The following RAB30 variants were observed in gnomAD, a reference collection of about 807,000 sequenced individuals.
RAB30 encodes the protein ras-related protein Rab-30.
RAB30 carries 9 observed loss-of-function variants against 25.1 expected under a neutral mutation model. The observed-to-expected ratio is 0.36, with a 90% CI of 0.22 to 0.63. The LOEUF is 0.63. Ranked by LOEUF, RAB30 falls within the 20% of genes least tolerant of loss-of-function variation. RAB30 has a pLI of 0.69. For missense variants in RAB30, 140 were observed against 243.5 expected, an observed-to-expected ratio of 0.58 and a Z score of 2.83; for synonymous variants, 77 against 86.4, an observed-to-expected ratio of 0.89 and a Z score of 0.60.
At chr11:83,018,938 A>T (rs11233420) in intron 1 of RAB30, among the ~76,000 whole-genome samples, 5,357 of 152,198 alleles carry the variant, frequency 0.035, 330 homozygotes, top group African/African-American at 0.12. Flanking sequence ...AGGTGTCCTT[A>T]CCCCACTTTA....
At chr11:83,041,188 T>G (rs1339106450) in intron 1 of RAB30, 2 of 141,412 alleles carry the variant, frequency 1.4e-5, no homozygotes, top group African/African-American at 5.1e-5. Flanking sequence ...AGAGTGAAAC[T>G]CTGTCTCAAA....
intron 1 of RAB30, among the ~76,000 whole-genome samples, chr11:83,000,532 C>A (rs1301115554): frequency 6.6e-6 from 1 of 152,200 alleles, no homozygotes; most frequent in Non-Finnish European, 1.5e-5. Flanking sequence ...GACCACAACT[C>A]TCTGCTTTCA....
chr11:83,002,262 CCAGA>C (rs1364117792), intron 1 of RAB30, among the ~76,000 whole-genome samples: 1 of 152,170 alleles, frequency 6.6e-6, no homozygotes, highest in Non-Finnish European at 1.5e-5. Flanking sequence ...ACTGATGGAG[CCAGA>C]CACTGACTTC....
chr11:83,031,528 T>C (rs1353551554), intron 1 of RAB30, among the ~76,000 whole-genome samples: 3 of 82,944 alleles, frequency 3.6e-5, no homozygotes, highest in East Asian at 1.0e-3. Flanking sequence ...TATTCTTTTT[T>C]TTTCTTTTTT....
chr11:83,002,247 C>T (rs1454022989), intron 1 of RAB30, among the ~76,000 whole-genome samples: 2 of 152,192 alleles, frequency 1.3e-5, no homozygotes, highest in African/African-American at 4.8e-5. Context: ...AAGCAACACA[C>T]CCACACTGAT....
chr11:83,032,730 C>A (rs572566672), intron 1 of RAB30, among the ~76,000 whole-genome samples: 1 of 152,064 alleles, frequency 6.6e-6, no homozygotes, highest in South Asian at 2.1e-4. Flanking sequence ...AAGCAGTCCA[C>A]CATAGCTAGA....
rs1565269775 is a variant in RAB30, at chr11:82,994,000, ATAGCACCTGACAACCTTAGTGAATATT to A, written c.177+12_177+38del. 6.7e-7 allele frequency: 1 copy of A among 1,489,210 alleles called. No individual in the cohort carries two copies. The highest frequency in any genetic ancestry group is 9.4e-7 in the Non-Finnish European group (1 of 1,069,324). 92.2% of individuals were successfully genotyped at this position (1,489,210 alleles called of 1,614,324 possible). On this transcript the variant is annotated intron_variant, in intron 3 of 4. Coordinates refer to ENST00000527633, the MANE Select transcript of RAB30 (RefSeq NM_001286060.2). ...AGCAGTACTTCCCCTAACCTCTCACATAGCACCTGACAACCTTAGTGAATATTTAGCACCTTACCTTTACTTTTTCAC... is the reference window on the plus strand; with the variant it reads ...AGCAGTACTTCCCCTAACCTCTCACATAGCACCTTACCTTTACTTTTTCAC...
At chr11:82,991,804 T>C (rs1470369502) in intron 3 of RAB30, among the ~76,000 whole-genome samples, 1 of 152,198 alleles carries the variant, frequency 6.6e-6, no homozygotes, top group African/African-American at 2.4e-5. Context: ...AATACAAATA[T>C]GAGTAAGACA....
chr11:83,014,637 AG>A (rs1241993619), intron 1 of RAB30, among the ~76,000 whole-genome samples: 5 of 44,222 alleles, frequency 1.1e-4, no homozygotes, highest in Non-Finnish European at 1.9e-4. Flanking sequence ...AGTAAGAAAA[AG>A]AAAGAAAGAA....
intron 1 of RAB30, among the ~76,000 whole-genome samples, chr11:83,060,879 G>A (rs527528308): frequency 1.1e-4 from 17 of 152,254 alleles, no homozygotes; most frequent in African/African-American, 4.1e-4. Context: ...GTCTGCTGGG[G>A]GCCTGGAGAA....
At position 82,974,209 on chromosome 11, in the gene RAB30, T is replaced by C. The variant is rs944893383; in HGVS notation, c.*7956A>G. ...AACTTAGTGAATATGATTAAAAACA[T>C]TGAAGTTTACACCTTAATAGGATAA... On this transcript the variant is annotated 3_prime_UTR_variant, in exon 5 of 5. Coordinates refer to ENST00000527633, the MANE Select transcript of RAB30 (RefSeq NM_001286060.2). The C allele has an allele frequency of 5.9e-5, 9 of 152,198 alleles. No homozygotes were observed. Among genetic ancestry groups the C allele is most frequent in the Non-Finnish European group, 1.5e-5 (1 of 68,026 alleles). 9.4% of individuals were successfully genotyped at this position (152,198 alleles called of 1,614,324 possible).
chr11:83,003,682 A>G (rs1056451697), intron 1 of RAB30, among the ~76,000 whole-genome samples: 1 of 151,888 alleles, frequency 6.6e-6, no homozygotes, highest in African/African-American at 2.4e-5. Flanking sequence ...CAGCCTCCCA[A>G]AGTGCTGGGA....
At position 83,064,209 on chromosome 11, in the gene RAB30, C is replaced by T. The variant is rs114602529; in HGVS notation, c.-9+7482G>A. 2.5e-3 allele frequency among the ~76,000 whole-genome samples: 380 copies of T among 152,216 alleles called. 1 individual carries two copies. Among genetic ancestry groups the T allele is most frequent in the African/African-American group, 8.6e-3 (359 of 41,524 alleles). On this transcript the variant is annotated intron_variant, in intron 1 of 4. Coordinates refer to ENST00000527633, the MANE Select transcript of RAB30 (RefSeq NM_001286060.2). ...GCTTAAGGGATCCTCCTGCCTCAGC[C>T]GCACCCTTCCCCATAGCTGGGACAC... is the stretch of plus-strand genomic sequence containing the variant.
rs1856533400 is a variant in RAB30 at position 82,975,661 on chromosome 11, C to T, written c.*6504G>A. On this transcript the variant is annotated 3_prime_UTR_variant, in exon 5 of 5. Transcript: ENST00000527633. The stretch of plus-strand genomic sequence containing the variant: ...TACAGCCAGAATAATTCTTCAGAAG[C>T]ACACTTTGTTATCAATTATGTAACT... The T allele has an allele frequency of 6.6e-6, 1 of 152,082 alleles. No individual in the cohort carries two copies. Among genetic ancestry groups the T allele is most frequent in the African/African-American group, 2.4e-5 (1 of 41,420 alleles). The allele number at this position is 152,082 out of a possible 1,614,324, so 9.4% of individuals were successfully genotyped here.
chr11:82,977,266 C>A lies in RAB30; in HGVS notation c.*4899G>T, dbSNP rs1014668067. Reference sequence around the variant, plus strand: ...GTCCAGCATAGGGCATAATGGAGGGCCAGTCTCTTGGCCTAACAACGTGCA... The same window carrying A: ...GTCCAGCATAGGGCATAATGGAGGGACAGTCTCTTGGCCTAACAACGTGCA... On this transcript the variant is annotated 3_prime_UTR_variant, in exon 5 of 5. Coordinates refer to ENST00000527633, the MANE Select transcript of RAB30 (RefSeq NM_001286060.2). The A allele has an allele frequency of 2.0e-5, 3 of 152,096 alleles. No individual in the cohort carries two copies. The highest frequency in any genetic ancestry group is 4.8e-5 in the African/African-American group (2 of 41,428). 9.4% of individuals were successfully genotyped at this position (152,096 alleles called of 1,614,324 possible).
intron 1 of RAB30, among the ~76,000 whole-genome samples, chr11:83,002,911 C>T (rs761158938): frequency 6.6e-6 from 1 of 152,212 alleles, no homozygotes; most frequent in African/African-American, 2.4e-5. Flanking sequence ...AGGTCTTCTC[C>T]CCAACTTTCT....
intron 1 of RAB30, among the ~76,000 whole-genome samples, chr11:83,006,190 T>TACAAA (rs1857181609): frequency 6.6e-6 from 1 of 152,126 alleles, no homozygotes; most frequent in South Asian, 2.1e-4. Flanking sequence ...AAAACGCTAT[T>TACAAA]ACAAACCCTC....
At chr11:83,031,520 T>C (rs1486650989) in intron 1 of RAB30, among the ~76,000 whole-genome samples, 1 of 80,892 alleles carries the variant, frequency 1.2e-5, no homozygotes. Context: ...GTTCTGCGTA[T>C]TCTTTTTTTT....
intron 1 of RAB30, among the ~76,000 whole-genome samples, chr11:83,067,128 C>A (rs1858719628): frequency 6.6e-6 from 1 of 152,160 alleles, no homozygotes; most frequent in Non-Finnish European, 1.5e-5. Flanking sequence ...ACCCCCTAGC[C>A]TAGTATTGCC....
Sources: allele counts gnomAD v4.1 joint callset (sites outside exome capture counted in the v4.1 genomes callset), GRCh38; gene constraint gnomAD v4.1.1; transcripts MANE v1.5; gene names NCBI Gene and HGNC (gene_info 2026-07-23, HGNC 2026-07-21).